GRIK3: variants seen among roughly 807,000 people sequenced by gnomAD.
GRIK3 encodes the protein glutamate receptor ionotropic, kainate 3.
GRIK3 carries 29 observed loss-of-function variants against 102.5 expected under a neutral mutation model. The ratio of observed to expected loss-of-function variants is 0.28; its 90% CI spans 0.21 to 0.39. The LOEUF is 0.39. GRIK3 is among the 10% of genes least tolerant of loss of function. GRIK3 has a pLI of 1.00. For synonymous variants in GRIK3, 511 were observed against 504.9 expected (o/e 1.01, Z -0.16); for missense variants, 908 against 1,252.4 (o/e 0.73, Z 4.15).
intron 5 of GRIK3, among the ~76,000 whole-genome samples, chr1:36,866,576 C>T (rs1279607114): frequency 6.6e-6 from 1 of 152,202 alleles, no homozygotes; most frequent in Admixed American, 6.5e-5. Context: ...AACACTTACA[C>T]TGTAATAAGT....
chr1:36,814,514 C>G (rs1036498463), intron 13 of GRIK3, among the ~76,000 whole-genome samples: 2 of 132,792 alleles, frequency 1.5e-5, no homozygotes, highest in African/African-American at 2.8e-5. Context: ...CATAGACCCC[C>G]CCCCCCCACA....
At chr1:36,830,358 GC>G (rs989974054) in intron 10 of GRIK3, among the ~76,000 whole-genome samples, 6 of 147,784 alleles carry the variant, frequency 4.1e-5, no homozygotes, top group African/African-American at 7.4e-5. Flanking sequence ...ATTGAATTAT[GC>G]CCCCCCACCC....
chr1:36,890,462 TA>T (rs767944137), intron 2 of GRIK3, among the ~76,000 whole-genome samples: 483 of 135,734 alleles, frequency 3.6e-3, no homozygotes, highest in Middle Eastern at 7.5e-3. Context: ...AGACTCTGTC[TA>T]AAAAAAAAAA....
At chr1:36,816,318 A>G (rs924807453) in intron 13 of GRIK3, among the ~76,000 whole-genome samples, 1 of 152,120 alleles carries the variant, frequency 6.6e-6, no homozygotes, top group African/African-American at 2.4e-5. Flanking sequence ...CTACTGTGAG[A>G]TCTCAGTGGC....
chr1:37,008,198 A>G (rs946633474), intron 1 of GRIK3, among the ~76,000 whole-genome samples: 1 of 152,222 alleles, frequency 6.6e-6, no homozygotes, highest in South Asian at 2.1e-4. Context: ...GTAGAAAGGA[A>G]GAGCCAGACT....
intron 1 of GRIK3, among the ~76,000 whole-genome samples, chr1:36,894,151 C>T (rs866031982): frequency 6.6e-6 from 1 of 152,172 alleles, no homozygotes; most frequent in African/African-American, 2.4e-5. Flanking sequence ...TAAGAATCCC[C>T]GTGCCCATTT....
chr1:36,955,320 C>G (rs1323830257), intron 1 of GRIK3, among the ~76,000 whole-genome samples: 6 of 152,156 alleles, frequency 3.9e-5, no homozygotes, highest in African/African-American at 1.4e-4. Context: ...CTGGGCCTGA[C>G]CCAACACCAC....
chr1:36,938,769 G>A (rs769773075), intron 1 of GRIK3, among the ~76,000 whole-genome samples: 1 of 152,176 alleles, frequency 6.6e-6, no homozygotes, highest in Non-Finnish European at 1.5e-5. Context: ...AGTGACTGTT[G>A]GGGGGTTGAC....
intron 1 of GRIK3, among the ~76,000 whole-genome samples, chr1:36,916,294 T>C (rs376324370): frequency 6.6e-6 from 1 of 152,188 alleles, no homozygotes; most frequent in East Asian, 1.9e-4. Flanking sequence ...AAGGCACTGA[T>C]TTTTAAAAAG....
At chr1:36,815,842 C>T (rs562754032) in intron 13 of GRIK3, among the ~76,000 whole-genome samples, 1 of 152,074 alleles carries the variant, frequency 6.6e-6, no homozygotes. Flanking sequence ...TCACTGCAAC[C>T]TCTGCCTCCC....
intron 15 of GRIK3, 54 bp downstream of exon 15, chr1:36,804,932 AT>A (rs755428618): frequency 6.3e-7 from 1 of 1,594,612 alleles, no homozygotes; most frequent in Non-Finnish European, 8.6e-7. Flanking sequence ...CAGGAGTGAA[AT>A]CAGCGCGAAT....
At position 36,817,296 on chromosome 1, in the gene GRIK3, T is replaced by G; in HGVS notation, c.1874-19A>C. Reference sequence around the variant, plus strand: ...TCAGACCCTGGGCGAAGAGAGGAGATAGTCAGTCCCTTACAACATCCAGAC... The same window carrying G: ...TCAGACCCTGGGCGAAGAGAGGAGAGAGTCAGTCCCTTACAACATCCAGAC... On this transcript the variant is annotated intron_variant, in intron 12 of 15. Transcript: ENST00000373091. The G allele has an allele frequency of 1.3e-6, 2 of 1,527,106 alleles. No individual in the cohort carries two copies. The highest frequency in any genetic ancestry group is 1.1e-5 in the South Asian group (1 of 89,216). The allele number at this position is 1,527,106 out of a possible 1,614,324, so 94.6% of individuals were successfully genotyped here.
intron 1 of GRIK3, among the ~76,000 whole-genome samples, chr1:36,908,713 T>C (rs1300838361): frequency 2.6e-5 from 4 of 152,122 alleles, no homozygotes; most frequent in Admixed American, 2.6e-4. Flanking sequence ...ATGAAAATAA[T>C]TGTCACTGCT....
intron 1 of GRIK3, among the ~76,000 whole-genome samples, chr1:36,949,513 C>T (rs1641819393): frequency 1.3e-5 from 2 of 149,890 alleles, no homozygotes; most frequent in South Asian, 4.3e-4. Flanking sequence ...TTATTGTGCT[C>T]TTATTGTGTA....
chr1:36,932,708 C>T (rs1197452718), intron 1 of GRIK3, among the ~76,000 whole-genome samples: 1 of 152,206 alleles, frequency 6.6e-6, no homozygotes, highest in African/African-American at 2.4e-5. Context: ...CCTAAATTAA[C>T]TTGATTTTCT....
intron 10 of GRIK3, among the ~76,000 whole-genome samples, chr1:36,841,492 G>A (rs1401234803): frequency 1.3e-5 from 2 of 152,174 alleles, no homozygotes; most frequent in East Asian, 3.9e-4. Flanking sequence ...ATCAGATGGA[G>A]GCCAGTGCAT....
intron 1 of GRIK3, among the ~76,000 whole-genome samples, chr1:36,981,924 A>G (rs192503774): frequency 2.6e-4 from 39 of 152,328 alleles, no homozygotes; most frequent in African/African-American, 8.9e-4. Flanking sequence ...CAGAGGAGTC[A>G]TGTGTGCGTC....
rs181436585 is a variant in GRIK3, at chr1:36,816,785, G to A, written c.2091+275C>T. On this transcript the variant is annotated intron_variant, in intron 13 of 15. Coordinates refer to ENST00000373091, the MANE Select transcript of GRIK3 (RefSeq NM_000831.4). ...CTTCTCCAGGCCCCTCTCTTCATCT[G>A]TCTCCCTCTGATGACTTAAGGAATC... 2.1e-3 allele frequency among the ~76,000 whole-genome samples: 316 copies of A among 152,276 alleles called. 4 individuals carry two copies. The East Asian group carries it at 0.027, about 13-fold the overall frequency.
rs138479420 is a variant in GRIK3 at position 36,957,916 on chromosome 1, G to A, written c.116-66820C>T. Among the ~76,000 whole-genome samples the A allele has an allele frequency of 9.9e-3, 447 of 44,956 alleles. 62 individuals carry two copies. The highest frequency in any genetic ancestry group is 0.056 in the African/African-American group (398 of 7,146). 29.5% of individuals were successfully genotyped at this position (44,956 alleles called of 152,430 possible). ...TGTGTGCCCTGTGAGTCTGTGCCCC[G>A]TGAGCCTGTGTGCCCCATGAGCCTG... On this transcript the variant is annotated intron_variant, in intron 1 of 15. Coordinates refer to ENST00000373091, the MANE Select transcript of GRIK3 (RefSeq NM_000831.4).
Sources: allele counts gnomAD v4.1 joint callset (sites outside exome capture counted in the v4.1 genomes callset), GRCh38; gene constraint gnomAD v4.1.1; transcripts MANE v1.5; gene names NCBI Gene and HGNC (gene_info 2026-07-23, HGNC 2026-07-21).